NKIRAS1: variants seen among roughly 807,000 people sequenced by gnomAD.
The protein encoded by NKIRAS1 is NF-kappa-B inhibitor-interacting Ras-like protein 1.
A neutral mutation model predicts 19.8 loss-of-function variants in NKIRAS1; 16 were observed. The observed-to-expected ratio is 0.81, with a 90% CI of 0.55 to 1.23. The LOEUF (loss-of-function observed/expected upper bound fraction) is 1.23. Ranked by LOEUF, NKIRAS1 falls within the 50% of genes most tolerant of loss-of-function variation. The pLI, the probability that NKIRAS1 is intolerant of heterozygous loss-of-function variation, is 0.00. For missense variants in NKIRAS1, 184 were observed against 220.0 expected (o/e 0.84, Z 1.04); for synonymous variants, 88 against 79.0 (o/e 1.11, Z -0.61).
chr3:23,935,172 G>C (rs1705372254), intron 1 of NKIRAS1, among the ~76,000 whole-genome samples: 1 of 151,252 alleles, frequency 6.6e-6, no homozygotes, highest in African/African-American at 2.4e-5. Context: ...AAACCATCAG[G>C]CTTTAAAAGA....
At chr3:23,946,225 C>T (rs192223837) in intron 1 of NKIRAS1, 7 of 985,378 alleles carry the variant, frequency 7.1e-6, no homozygotes, top group African/African-American at 3.5e-5. Context: ...CACCGCAGTG[C>T]ACCGGACGCC....
chr3:23,945,666 G>A (rs1286320252), intron 1 of NKIRAS1: 1 of 1,039,602 alleles, frequency 9.6e-7, no homozygotes, highest in Non-Finnish European at 1.2e-6. Context: ...ACTTTGGGGG[G>A]CGGCGGCAGG....
At chr3:23,924,443 C>T (rs1705173393) in intron 1 of NKIRAS1, 1 of 152,202 alleles carries the variant, frequency 6.6e-6, no homozygotes, top group Non-Finnish European at 1.5e-5. Flanking sequence ...GAGTCTCTGT[C>T]ACCCAGGCTG....
chr3:23,910,796 G>A lies in NKIRAS1; in HGVS notation c.94+15C>T. On this transcript the variant is annotated intron_variant, in intron 3 of 4. Coordinates refer to ENST00000425478, the MANE Select transcript of NKIRAS1 (RefSeq NM_020345.4). ...TCCCAGAACCTAGAGACAAACTAGA[G>A]AAAAACAATCTTACCAATAGTATGA... 1 of 1,594,718 alleles carries A rather than the reference G, an allele frequency of 6.3e-7. No individual in the cohort carries two copies. Among genetic ancestry groups the A allele is most frequent in the Non-Finnish European group, 8.6e-7 (1 of 1,162,594 alleles).
Position 23,899,479 on chromosome 3 carries a change from T to C in NKIRAS1, c.336+1329A>G, listed in dbSNP as rs79138322. 6.1e-3 allele frequency among the ~76,000 whole-genome samples: 930 copies of C among 152,366 alleles called. 9 individuals are homozygous for C. The highest frequency in any genetic ancestry group is 0.021 in the African/African-American group (871 of 41,580). On this transcript the variant is annotated intron_variant, in intron 4 of 4. Coordinates refer to ENST00000425478, the MANE Select transcript of NKIRAS1 (RefSeq NM_020345.4). The stretch of plus-strand genomic sequence containing the variant: ...TGTTTGTTTTGTTTTTTGTTTTTTT[T>C]CTACCATCTAGCCAGTACTGTTAAT...
chr3:23,906,318 C>T (rs1377072213), intron 3 of NKIRAS1, among the ~76,000 whole-genome samples: 1 of 152,090 alleles, frequency 6.6e-6, no homozygotes. Flanking sequence ...TGAGAAACAT[C>T]TGGACTATGT....
At chr3:23,946,318 C>T in intron 1 of NKIRAS1, 1 of 983,518 alleles carries the variant, frequency 1.0e-6, no homozygotes, top group Non-Finnish European at 1.2e-6. Context: ...CTGGTAGCTG[C>T]ATACCTTGCA....
intron 1 of NKIRAS1, among the ~76,000 whole-genome samples, chr3:23,914,371 C>G (rs1704084013): frequency 6.6e-6 from 1 of 152,174 alleles, no homozygotes; most frequent in Admixed American, 6.5e-5. Flanking sequence ...TACCAAAACA[C>G]TGTTAACATC....
intron 1 of NKIRAS1, among the ~76,000 whole-genome samples, chr3:23,914,273 A>G (rs1272402411): frequency 1.3e-5 from 2 of 152,240 alleles, no homozygotes; most frequent in Admixed American, 1.3e-4. Context: ...AGCTCCCCAA[A>G]ACCGTTATTG....
At chr3:23,945,425 G>T in intron 1 of NKIRAS1, 2 of 231,512 alleles carry the variant, frequency 8.6e-6, no homozygotes, top group Non-Finnish European at 1.5e-5. Flanking sequence ...GCGCTGCACG[G>T]CCTGGGGCCC....
chr3:23,941,114 T>C (rs560633095), intron 1 of NKIRAS1, among the ~76,000 whole-genome samples: 2 of 152,382 alleles, frequency 1.3e-5, no homozygotes, highest in African/African-American at 4.8e-5. Flanking sequence ...GCAATTTAAG[T>C]GGCATGTTGT....
Position 23,931,931 on chromosome 3 carries a change from C to G in NKIRAS1, c.-140+14392G>C, listed in dbSNP as rs78504723. On this transcript the variant is annotated intron_variant, in intron 1 of 4. Coordinates refer to the NKIRAS1 transcript ENST00000421515. ...TGTTTTATCAAGTCTTTGTCTGGAG[C>G]AATGATGCTTATTATTAGTCAGCAG... Among the ~76,000 whole-genome samples, 1,122 of 152,282 alleles carry G rather than the reference C, an allele frequency of 7.4e-3. 19 individuals are homozygous for G. Among genetic ancestry groups the G allele is most frequent in the African/African-American group, 0.025 (1,054 of 41,562 alleles).
chr3:23,905,320 G>A (rs981089178), intron 3 of NKIRAS1, among the ~76,000 whole-genome samples: 3 of 152,212 alleles, frequency 2.0e-5, no homozygotes, highest in African/African-American at 7.2e-5. Flanking sequence ...AGGAACACAG[G>A]GAGCCACTGG....
intron 1 of NKIRAS1, chr3:23,923,475 T>TC (rs1705151664): frequency 6.6e-6 from 1 of 152,156 alleles, no homozygotes; most frequent in Admixed American, 6.5e-5. Context: ...CATCTCAGCC[T>TC]CCCAAAGTAG....
At chr3:23,920,649 T>G, upstream of NKIRAS1, 1 of 985,258 alleles carries the variant, frequency 1.0e-6, no homozygotes, top group Non-Finnish European at 1.2e-6. Context: ...ATGCTCGTTC[T>G]GAACCAATTT....
chr3:23,910,813 A>T lies in NKIRAS1; in HGVS notation c.92T>A (p.Ile31Asn). The change falls in exon 3 of 5, where the codon ATT becomes AAT. Residue 31 changes from isoleucine to asparagine, a missense_variant and splice_region_variant. By Grantham distance (149) the Ile-to-Asn change is moderately radical (BLOSUM62 -3). Transcript: ENST00000425478. ...AAACTAGAGAAAAACAATCTTACCAATAGTATGATTTCCATAAAGGAGCTG... is the reference window on the plus strand; with the variant it reads ...AAACTAGAGAAAAACAATCTTACCATTAGTATGATTTCCATAAAGGAGCTG... ...LEQLLYGNHT[I>N]GMEDCETMED... is the part of the protein sequence containing the mutation. 1 of 1,605,600 alleles carries T rather than the reference A, an allele frequency of 6.2e-7. No individual in the cohort carries two copies. The highest frequency in any genetic ancestry group is 8.5e-7 in the Non-Finnish European group (1 of 1,172,288).
chr3:23,905,988 G>C (rs1248663818), intron 3 of NKIRAS1, among the ~76,000 whole-genome samples: 1 of 151,768 alleles, frequency 6.6e-6, no homozygotes, highest in Non-Finnish European at 1.5e-5. Flanking sequence ...GTGAAACCCT[G>C]TCTCTACTAA....
intron 4 of NKIRAS1, among the ~76,000 whole-genome samples, chr3:23,900,461 CCT>C (rs771989269): frequency 7.9e-5 from 12 of 151,694 alleles, no homozygotes; most frequent in Admixed American, 2.0e-4. Context: ...GCGGTAATAC[CCT>C]GTCTCCACTA....
chr3:23,918,207 T>A, upstream of NKIRAS1: 1 of 970,344 alleles, frequency 1.0e-6, no homozygotes. Context: ...GGCAAGTGTG[T>A]CAAAGGTTAC....
Sources: allele counts gnomAD v4.1 joint callset (sites outside exome capture counted in the v4.1 genomes callset), GRCh38; gene constraint gnomAD v4.1.1; transcripts MANE v1.5; gene names NCBI Gene and HGNC (gene_info 2026-07-23, HGNC 2026-07-21).